The following DACH1 variants were observed in gnomAD, a reference collection of about 807,000 sequenced individuals.
The protein encoded by DACH1 is dachshund homolog 1.
A neutral mutation model predicts 54.2 loss-of-function variants in DACH1; 12 were observed. The ratio of observed to expected loss-of-function variants is 0.22; its 90% CI spans 0.14 to 0.36. The LOEUF is 0.36. Among genes scored for constraint, DACH1 ranks in the 10% least tolerant of loss-of-function variants. DACH1 has a pLI of 1.00. For missense variants in DACH1, 805 were observed against 929.8 expected, an observed-to-expected ratio of 0.87 and a Z score of 1.75; for synonymous variants, 386 against 366.2, an observed-to-expected ratio of 1.05 and a Z score of -0.62.
At chr13:71,500,502 C>T (rs943458358) in intron 6 of DACH1, among the ~76,000 whole-genome samples, 1 of 152,098 alleles carries the variant, frequency 6.6e-6, no homozygotes, top group Non-Finnish European at 1.5e-5. Flanking sequence ...TATTCAAAGT[C>T]TAATTTGCAC....
At chr13:71,586,104 A>G (rs961164445) in intron 3 of DACH1, among the ~76,000 whole-genome samples, 3 of 152,088 alleles carry the variant, frequency 2.0e-5, no homozygotes, top group African/African-American at 7.2e-5. Context: ...ATTAAGAAAA[A>G]ACTATCTGTA....
At chr13:71,847,837 T>C (rs909765133) in intron 1 of DACH1, among the ~76,000 whole-genome samples, 2 of 152,170 alleles carry the variant, frequency 1.3e-5, no homozygotes, top group Non-Finnish European at 2.9e-5. Flanking sequence ...AGAACAATAG[T>C]ATTCGGATAT....
chr13:71,535,292 G>C (rs1261061788), intron 6 of DACH1, among the ~76,000 whole-genome samples: 1 of 151,726 alleles, frequency 6.6e-6, no homozygotes, highest in Non-Finnish European at 1.5e-5. Flanking sequence ...ATACTAATCG[G>C]TGTATATCAT....
chr13:71,465,944 G>A (rs1931435), intron 10 of DACH1, among the ~76,000 whole-genome samples: 141,986 of 152,172 alleles, frequency 0.93, 67,050 homozygotes, highest in East Asian at 1. Flanking sequence ...ATGTAAGTGG[G>A]CATATACTAT....
intron 4 of DACH1, among the ~76,000 whole-genome samples, chr13:71,571,182 GA>G (rs1885170476): frequency 6.6e-6 from 1 of 152,074 alleles, no homozygotes; most frequent in Admixed American, 6.6e-5. Flanking sequence ...TTAATATTAT[GA>G]GATGATTCTT....
rs181394180 is a variant in DACH1, at chr13:71,799,307, T to C, written c.848+66615A>G. On this transcript the variant is annotated intron_variant, in intron 1 of 10. Transcript: ENST00000613252. ...TACGGCATTGAATAAATGCAGTCTT[T>C]ATAACAAGTTGAAAATAAAAACAAA... Among the ~76,000 whole-genome samples the C allele has an allele frequency of 9.9e-5, 15 of 152,268 alleles. No individual in the cohort carries two copies. In the East Asian group the frequency reaches 2.9e-3, roughly 29 times the overall value.
intron 6 of DACH1, among the ~76,000 whole-genome samples, chr13:71,505,201 G>A (rs1388581130): frequency 6.6e-6 from 1 of 151,986 alleles, no homozygotes; most frequent in African/African-American, 2.4e-5. Context: ...CTCAGCCTCA[G>A]TGTCCCAAGT....
At chr13:71,711,096 G>A (rs74422993) in intron 1 of DACH1, among the ~76,000 whole-genome samples, 3,048 of 152,156 alleles carry the variant, frequency 0.02, 78 homozygotes, top group African/African-American at 0.056. Context: ...AGCAATACAC[G>A]TTTAGGTCAT....
At chr13:71,519,397 G>A (rs1186613342) in intron 6 of DACH1, among the ~76,000 whole-genome samples, 3 of 151,790 alleles carry the variant, frequency 2.0e-5, no homozygotes, top group African/African-American at 7.2e-5. Context: ...CTGCAGAGAT[G>A]ATTGATGATG....
In DACH1 at chr13:71,475,205, A is replaced by G; in HGVS notation, c.2019T>C (p.Ser673=). Residue 673 remains serine, a synonymous_variant, in exon 10 of 11, where the codon TCT becomes TCC. Coordinates refer to ENST00000613252, the MANE Select transcript of DACH1 (RefSeq NM_080759.6). The part of the protein sequence containing the change: ...STDSLRVLND[S]LTPEIEADRS... Reference sequence around the variant, plus strand: ...GGTCAGCCTCTATCTCTGGGGTCAGAGAGTCTAAAAGCACAGAAAGGTAAG... The same window carrying G: ...GGTCAGCCTCTATCTCTGGGGTCAGGGAGTCTAAAAGCACAGAAAGGTAAG... 1 of 1,613,692 alleles carries G rather than the reference A, an allele frequency of 6.2e-7. No homozygotes were observed. The highest frequency in any genetic ancestry group is 8.5e-7 in the Non-Finnish European group (1 of 1,179,676).
rs192993909 is a variant in DACH1 at position 71,778,709 on chromosome 13, T to C, written c.848+87213A>G. On this transcript the variant is annotated intron_variant, in intron 1 of 10. Transcript: ENST00000613252. ...TTTTAAGCATAGCTCTTGAAACACA[T>C]AGTAAGCTCCTTTCAGAATTTCATA... Among the ~76,000 whole-genome samples the C allele has an allele frequency of 2.3e-3, 346 of 152,250 alleles. 1 individual carries two copies. Among genetic ancestry groups the C allele is most frequent in the Admixed American group, 4.8e-3 (73 of 15,284 alleles).
intron 1 of DACH1, among the ~76,000 whole-genome samples, chr13:71,851,000 C>T (rs1052160595): frequency 1.3e-5 from 2 of 152,144 alleles, no homozygotes; most frequent in Non-Finnish European, 2.9e-5. Context: ...TGTGTATGTG[C>T]GCATTTGTGC....
At chr13:71,753,153 G>A (rs970225672) in intron 1 of DACH1, among the ~76,000 whole-genome samples, 3 of 152,164 alleles carry the variant, frequency 2.0e-5, no homozygotes, top group Non-Finnish European at 4.4e-5. Flanking sequence ...ACTGTCCTGT[G>A]AATGGATTGC....
At chr13:71,656,863 G>A (rs1879124967) in intron 2 of DACH1, among the ~76,000 whole-genome samples, 1 of 142,574 alleles carries the variant, frequency 7.0e-6, no homozygotes. Context: ...TAGATAGACA[G>A]ATACTGACTT....
chr13:71,766,994 C>A (rs1294763871), intron 1 of DACH1, among the ~76,000 whole-genome samples: 2 of 151,906 alleles, frequency 1.3e-5, no homozygotes, highest in Non-Finnish European at 2.9e-5. Context: ...TAGTTAACAC[C>A]CTCCTCTCCT....
intron 1 of DACH1, among the ~76,000 whole-genome samples, chr13:71,717,267 C>A (rs937497140): frequency 1.3e-5 from 2 of 151,970 alleles, no homozygotes; most frequent in Non-Finnish European, 2.9e-5. Context: ...GTCATCATTG[C>A]CCTTTAAAAT....
At chr13:71,722,439 G>A (rs558659609) in intron 1 of DACH1, among the ~76,000 whole-genome samples, 14 of 152,048 alleles carry the variant, frequency 9.2e-5, no homozygotes, top group African/African-American at 3.1e-4. Context: ...AAGTCATACC[G>A]AACACCAAAG....
intron 1 of DACH1, among the ~76,000 whole-genome samples, chr13:71,683,942 T>A (rs1401278105): frequency 6.6e-6 from 1 of 152,146 alleles, no homozygotes; most frequent in Non-Finnish European, 1.5e-5. Context: ...AAATCTGAAC[T>A]CAGCATCTAT....
At chr13:71,496,932 C>T (rs550212108) in intron 6 of DACH1, among the ~76,000 whole-genome samples, 1 of 152,016 alleles carries the variant, frequency 6.6e-6, no homozygotes, top group Non-Finnish European at 1.5e-5. Flanking sequence ...AAAGTTACTC[C>T]AGAAATTTTT....
Sources: gnomAD v4.1 joint callset for allele counts (sites outside exome capture counted in the v4.1 genomes callset) on GRCh38, gnomAD v4.1.1 for gene constraint, MANE v1.5 for transcripts, NCBI Gene and HGNC (gene_info 2026-07-23, HGNC 2026-07-21) for gene names.